PLCB4: variants seen among roughly 807,000 people sequenced by gnomAD.
The protein encoded by PLCB4 is 1-phosphatidylinositol 4,5-bisphosphate phosphodiesterase beta-4.
A neutral mutation model predicts 178.8 loss-of-function variants in PLCB4; 77 were observed. The ratio of observed to expected loss-of-function variants is 0.43; its 90% confidence interval spans 0.36 to 0.52. The LOEUF (loss-of-function observed/expected upper bound fraction) is 0.52. Among genes scored for constraint, PLCB4 ranks in the 20% least tolerant of loss-of-function variants. PLCB4 has a pLI of 0.00. For missense variants in PLCB4, 1,024 were observed against 1,453.4 expected (o/e 0.70, Z 4.80); for synonymous variants, 496 against 490.8 (o/e 1.01, Z -0.14).
At chr20:9,203,777 GTTTTTTTT>G (rs553691545) in intron 2 of PLCB4, among the ~76,000 whole-genome samples, 6 of 101,704 alleles carry the variant, frequency 5.9e-5, no homozygotes, top group South Asian at 4.1e-4. Context: ...TGGGAATAGT[GTTTTTTTT>G]TTTTTTTTTT....
chr20:9,252,516 T>C (rs1399128633), intron 3 of PLCB4, among the ~76,000 whole-genome samples: 1 of 152,224 alleles, frequency 6.6e-6, no homozygotes, highest in Non-Finnish European at 1.5e-5. Context: ...GAATCAGACT[T>C]TCTGTAGTGG....
chr20:9,108,104 G>A (rs1213912903), intron 2 of PLCB4, among the ~76,000 whole-genome samples: 1 of 152,154 alleles, frequency 6.6e-6, no homozygotes, highest in African/African-American at 2.4e-5. Context: ...GAATGGAGAA[G>A]ATCAGGAGTT....
At chr20:9,371,183 G>A (rs776203704) in intron 9 of PLCB4, 31 bp from the exon 10 acceptor site, 1 of 1,313,412 alleles carries the variant, frequency 7.6e-7, no homozygotes, top group Non-Finnish European at 1.1e-6. Context: ...AACAATAACT[G>A]GAATGTGTGT....
At chr20:9,193,471 AC>A (rs2093430788) in intron 2 of PLCB4, among the ~76,000 whole-genome samples, 1 of 152,194 alleles carries the variant, frequency 6.6e-6, no homozygotes, top group Non-Finnish European at 1.5e-5. Context: ...CAGAATGAAC[AC>A]AACTCCTCAG....
At chr20:9,472,924 T>A in intron 37 of PLCB4, 77 bp downstream of exon 37, 1 of 751,480 alleles carries the variant, frequency 1.3e-6, no homozygotes, top group Non-Finnish European at 2.3e-6. Flanking sequence ...ACCAGATCTC[T>A]AGCTAATTTG....
intron 1 of PLCB4, among the ~76,000 whole-genome samples, chr20:9,089,089 T>C (rs1261036327): frequency 2.6e-5 from 4 of 151,832 alleles, no homozygotes; most frequent in African/African-American, 9.7e-5. Flanking sequence ...GGAGCAGAAA[T>C]AGATGAATAT....
At position 9,206,299 on chromosome 20, in the gene PLCB4, CTTTTTTTTTTTT is replaced by C. The variant is rs71184138; in HGVS notation, c.-78-11079_-78-11068del. Among the ~76,000 whole-genome samples the C allele has an allele frequency of 2.0e-4, 19 of 96,100 alleles. No homozygotes were observed. In the South Asian group the frequency reaches 3.9e-3, roughly 20 times the overall value. 63.0% of individuals were successfully genotyped at this position (96,100 alleles called of 152,430 possible). On this transcript the variant is annotated intron_variant, in intron 2 of 39. Transcript: ENST00000378473. ...TCCTCCTGCCTTTTTTTTCTTTTTTCTTTTTTTTTTTTTTTTTTTTTTTGGTCAGTTTTTCAG... is the reference window on the plus strand; with the variant it reads ...TCCTCCTGCCTTTTTTTTCTTTTTTCTTTTTTTTTTTGGTCAGTTTTTCAG...
intron 35 of PLCB4, among the ~76,000 whole-genome samples, chr20:9,463,318 A>G (rs1257153544): frequency 6.6e-6 from 1 of 152,212 alleles, no homozygotes; most frequent in Non-Finnish European, 1.5e-5. Context: ...AAACATGCCA[A>G]ATTGTAAAGA....
At chr20:9,458,752 T>C (rs755540263) in intron 34 of PLCB4, among the ~76,000 whole-genome samples, 8 of 152,138 alleles carry the variant, frequency 5.3e-5, no homozygotes, top group Non-Finnish European at 7.3e-5. Context: ...TCACATTTGC[T>C]ACTATCTCAT....
intron 7 of PLCB4, among the ~76,000 whole-genome samples, chr20:9,353,382 G>A (rs2034511896): frequency 6.6e-6 from 1 of 152,198 alleles, no homozygotes; most frequent in African/African-American, 2.4e-5. Flanking sequence ...TTCCAACACT[G>A]ACATTGATAT....
intron 3 of PLCB4, among the ~76,000 whole-genome samples, chr20:9,302,297 T>G (rs2094715030): frequency 6.6e-6 from 1 of 152,132 alleles, no homozygotes; most frequent in South Asian, 2.1e-4. Context: ...TTTAACATTC[T>G]CTGCAGTCAC....
At chr20:9,360,646 C>T (rs749539436) in intron 7 of PLCB4, among the ~76,000 whole-genome samples, 1 of 152,152 alleles carries the variant, frequency 6.6e-6, no homozygotes, top group Non-Finnish European at 1.5e-5. Context: ...AGGTCAATAA[C>T]AGGATATTTG....
Position 9,354,307 on chromosome 20 carries a change from A to G in PLCB4, c.370-8589A>G, listed in dbSNP as rs140101461. Among the ~76,000 whole-genome samples the G allele has an allele frequency of 7.1e-3, 1,078 of 152,396 alleles. 7 individuals are homozygous for G. Among genetic ancestry groups the G allele is most frequent in the Middle Eastern group, 0.014 (4 of 294 alleles). ...AAATTTGAATCAAAGCTTAAAGATC[A>G]ATCATTATATATAAATTATAGCTCA... On this transcript the variant is annotated intron_variant, in intron 7 of 39. Transcript: ENST00000378473.
At chr20:9,095,884 C>T (rs2090892851) in intron 1 of PLCB4, among the ~76,000 whole-genome samples, 1 of 152,030 alleles carries the variant, frequency 6.6e-6, no homozygotes, top group Non-Finnish European at 1.5e-5. Context: ...ACATCATTTT[C>T]CCACTGGAAA....
At chr20:9,349,330 A>T (rs575377119) in intron 7 of PLCB4, among the ~76,000 whole-genome samples, 1 of 152,218 alleles carries the variant, frequency 6.6e-6, no homozygotes, top group African/African-American at 2.4e-5. Flanking sequence ...AACCACTCTA[A>T]TGAGTCTTTT....
intron 36 of PLCB4, among the ~76,000 whole-genome samples, chr20:9,470,894 GT>G (rs920091365): frequency 6.6e-6 from 1 of 152,060 alleles, no homozygotes; most frequent in Non-Finnish European, 1.5e-5. Context: ...CAAATTGGCT[GT>G]TTTTTAAAAA....
intron 2 of PLCB4, among the ~76,000 whole-genome samples, chr20:9,157,761 C>G (rs189267167): frequency 1.3e-5 from 2 of 152,170 alleles, no homozygotes; most frequent in East Asian, 3.9e-4. Context: ...TTACAAAATA[C>G]TAGTAATTTT....
intron 35 of PLCB4, among the ~76,000 whole-genome samples, chr20:9,467,088 AC>A (rs2043837652): frequency 6.6e-6 from 1 of 152,238 alleles, no homozygotes; most frequent in African/African-American, 2.4e-5. Flanking sequence ...AACATGGAAT[AC>A]TATGCAGCCA....
intron 21 of PLCB4, 130 bp from the exon 22 acceptor site, chr20:9,407,787 T>C (rs2039556762): frequency 3.0e-6 from 2 of 668,492 alleles, no homozygotes; most frequent in Non-Finnish European, 2.4e-6. Flanking sequence ...TTTAGCATAA[T>C]TGAGGAAGAA....
Sources: allele counts gnomAD v4.1 joint callset (sites outside exome capture counted in the v4.1 genomes callset), GRCh38; gene constraint gnomAD v4.1.1; transcripts MANE v1.5; gene names NCBI Gene and HGNC (gene_info 2026-07-23, HGNC 2026-07-21).